NRG3: variants seen among roughly 807,000 people sequenced by gnomAD.
NRG3 encodes neuregulin 3, also known as pro-neuregulin-3, membrane-bound isoform.
A neutral mutation model predicts 66.9 loss-of-function variants in NRG3; 31 were observed. That is an observed-to-expected ratio of 0.46 (90% CI 0.35 to 0.63). NRG3 has a LOEUF of 0.63. Ranked by LOEUF, NRG3 falls within the 20% of genes least tolerant of loss-of-function variation. The pLI is 0.00. For synonymous variants in NRG3, 393 were observed against 359.4 expected, an observed-to-expected ratio of 1.09 and a Z score of -1.06; for missense variants, 910 against 878.9, an observed-to-expected ratio of 1.04 and a Z score of -0.45.
intron 3 of NRG3, among the ~76,000 whole-genome samples, chr10:82,823,828 T>C (rs1386262197): frequency 6.6e-6 from 1 of 152,198 alleles, no homozygotes. Context: ...CCAGTTCTTT[T>C]TTTTAATTGA....
chr10:82,881,533 T>C (rs1391510309), intron 4 of NRG3, among the ~76,000 whole-genome samples: 3 of 152,188 alleles, frequency 2.0e-5, no homozygotes, highest in East Asian at 1.9e-4. Flanking sequence ...TACTGTATCA[T>C]AGAAGTGATT....
chr10:82,312,237 A>T (rs1015363007), intron 1 of NRG3, among the ~76,000 whole-genome samples: 1 of 152,186 alleles, frequency 6.6e-6, no homozygotes, highest in African/African-American at 2.4e-5. Context: ...AATTAGAGGG[A>T]AGGCTTGATT....
intron 1 of NRG3, among the ~76,000 whole-genome samples, chr10:82,072,853 A>G (rs1432222271): frequency 6.6e-6 from 1 of 152,116 alleles, no homozygotes. Context: ...TGCAGCCTCC[A>G]ACTCCTGGGC....
chr10:82,619,982 T>C (rs1401631229), intron 2 of NRG3, among the ~76,000 whole-genome samples: 1 of 152,216 alleles, frequency 6.6e-6, no homozygotes, highest in Non-Finnish European at 1.5e-5. Flanking sequence ...CTTAACCCCT[T>C]CATCGGACTT....
intron 2 of NRG3, among the ~76,000 whole-genome samples, chr10:82,546,908 T>C (rs1037815529): frequency 1.3e-5 from 2 of 151,870 alleles, no homozygotes; most frequent in African/African-American, 4.8e-5. Context: ...CTGTTGCCCA[T>C]CAATTACTGT....
At chr10:82,836,764 G>C (rs145925553) in intron 3 of NRG3, among the ~76,000 whole-genome samples, 6 of 148,968 alleles carry the variant, frequency 4.0e-5, no homozygotes, top group Non-Finnish European at 5.9e-5. Flanking sequence ...TTAAGTTTTA[G>C]GGTACATGTA....
At chr10:82,548,140 T>C (rs2044054647) in intron 2 of NRG3, among the ~76,000 whole-genome samples, 1 of 151,544 alleles carries the variant, frequency 6.6e-6, no homozygotes, top group Non-Finnish European at 1.5e-5. Flanking sequence ...TCTTCCAAAT[T>C]ATATATTCAA....
At chr10:82,516,792 T>C (rs990252925) in intron 2 of NRG3, among the ~76,000 whole-genome samples, 3 of 152,152 alleles carry the variant, frequency 2.0e-5, no homozygotes, top group African/African-American at 7.2e-5. Context: ...GAAGTAAGAG[T>C]TATTTTCAAA....
At chr10:82,737,462 G>C (rs1236824831) in intron 2 of NRG3, among the ~76,000 whole-genome samples, 1 of 152,162 alleles carries the variant, frequency 6.6e-6, no homozygotes, top group Non-Finnish European at 1.5e-5. Flanking sequence ...CCTGTCTCTT[G>C]ACAGAACGGC....
intron 2 of NRG3, among the ~76,000 whole-genome samples, chr10:82,446,208 G>C (rs924066847): frequency 6.6e-6 from 1 of 152,164 alleles, no homozygotes; most frequent in African/African-American, 2.4e-5. Flanking sequence ...TTTCTCACAG[G>C]ATCATGCACT....
chr10:81,929,741 G>A (rs1052484178), intron 1 of NRG3, among the ~76,000 whole-genome samples: 1 of 152,190 alleles, frequency 6.6e-6, no homozygotes, highest in African/African-American at 2.4e-5. Flanking sequence ...GCTAGGCACA[G>A]CAGAATCACC....
intron 2 of NRG3, among the ~76,000 whole-genome samples, chr10:82,634,799 G>A (rs2050074467): frequency 6.6e-6 from 1 of 152,130 alleles, no homozygotes; most frequent in African/African-American, 2.4e-5. Flanking sequence ...CCATATGCAG[G>A]TCAGATGATG....
intron 1 of NRG3, among the ~76,000 whole-genome samples, chr10:82,012,161 G>T (rs1415705098): frequency 6.6e-6 from 1 of 152,218 alleles, no homozygotes; most frequent in East Asian, 1.9e-4. Context: ...CCAAACCTCA[G>T]TTCTTTACTT....
intron 8 of NRG3, 157 bp from the exon 9 acceptor site, chr10:82,984,941 T>C: frequency 8.0e-7 from 1 of 1,253,128 alleles, no homozygotes; most frequent in Non-Finnish European, 1.2e-6. Flanking sequence ...GAGCTTCAGT[T>C]TACTTCTCTG....
intron 1 of NRG3, among the ~76,000 whole-genome samples, chr10:81,913,605 G>A (rs765694786): frequency 2.6e-5 from 4 of 151,660 alleles, no homozygotes; most frequent in African/African-American, 4.8e-5. Flanking sequence ...TGTATTTTTG[G>A]TAGAGGTGGG....
chr10:82,278,260 T>C (rs146695686), intron 1 of NRG3, among the ~76,000 whole-genome samples: 272 of 152,178 alleles, frequency 1.8e-3, no homozygotes, highest in African/African-American at 6.2e-3. Flanking sequence ...CATGACACTA[T>C]AAAATCACAC....
intron 1 of NRG3, among the ~76,000 whole-genome samples, chr10:82,236,015 CACAT>C (rs1192914333): frequency 6.6e-6 from 1 of 152,030 alleles, no homozygotes; most frequent in Non-Finnish European, 1.5e-5. Context: ...GACACACACA[CACAT>C]ACATACACAC....
chr10:82,389,195 C>T (rs2086197155), intron 2 of NRG3, among the ~76,000 whole-genome samples: 1 of 152,174 alleles, frequency 6.6e-6, no homozygotes, highest in South Asian at 2.1e-4. Flanking sequence ...TGACTTGCCA[C>T]AGGTGACAGA....
rs199740147 is a variant in NRG3 at position 82,776,816 on chromosome 10, G to T, written c.1027+38166G>T. Among the ~76,000 whole-genome samples, 45 of 151,840 alleles carry T rather than the reference G, an allele frequency of 3.0e-4. No individual in the cohort carries two copies. In the East Asian group the frequency reaches 8.4e-3, roughly 28 times the overall value. On this transcript the variant is annotated intron_variant, in intron 3 of 8. Transcript: ENST00000372141. The stretch of plus-strand genomic sequence containing the variant: ...TTCTTAAATTTCACAATCAGATTAT[G>T]AATTATTTTCTTGATCTTACTGAAT...
Sources: gnomAD v4.1 joint callset for allele counts (sites outside exome capture counted in the v4.1 genomes callset) on GRCh38, gnomAD v4.1.1 for gene constraint, MANE v1.5 for transcripts, NCBI Gene and HGNC (gene_info 2026-07-23, HGNC 2026-07-21) for gene names.